Variants in IL17D observed in about 807,000 individuals in gnomAD.
IL17D encodes interleukin 17D.
IL17D carries 10 observed loss-of-function variants against 5.7 expected under a neutral mutation model. The observed-to-expected ratio is 1.75, with a 90% CI of 1.08 to 2.97. IL17D has a LOEUF of 2.97. Ranked by LOEUF, IL17D falls within the 30% of genes most tolerant of loss-of-function variation. The pLI is 0.00. For missense variants in IL17D, 354 were observed against 292.7 expected, an observed-to-expected ratio of 1.21 and a Z score of -1.53; for synonymous variants, 172 against 141.7, an observed-to-expected ratio of 1.21 and a Z score of -1.52.
chr13:20,706,430 C>T lies in IL17D; in HGVS notation c.290+2139C>T, dbSNP rs200730008. Among the ~76,000 whole-genome samples, 33 of 152,388 alleles carry T rather than the reference C, an allele frequency of 2.2e-4. No individual in the cohort carries two copies. In the East Asian group the frequency reaches 2.3e-3, roughly 11 times the overall value. On this transcript the variant is annotated intron_variant, in intron 1 of 1. Coordinates refer to ENST00000682841, the MANE Select transcript of IL17D (RefSeq NM_001385224.1). ...GCTTTCTATAGCAGATTCGAACTCT[C>T]AGGCAAACCCGTGGCTCCCCACAGG... is the stretch of plus-strand genomic sequence containing the variant.
intron 1 of IL17D, among the ~76,000 whole-genome samples, chr13:20,707,140 C>T (rs1485942334): frequency 6.6e-6 from 1 of 152,156 alleles, no homozygotes; most frequent in African/African-American, 2.4e-5. Flanking sequence ...TCACCTCTCA[C>T]CATCTTTTGG....
intron 1 of IL17D, among the ~76,000 whole-genome samples, chr13:20,705,412 A>G (rs911652503): frequency 2.0e-5 from 3 of 152,188 alleles, no homozygotes; most frequent in African/African-American, 7.2e-5. Context: ...CCGCCTTGTC[A>G]GCAGTGCAGA....
Position 20,703,942 on chromosome 13 carries a change from G to A in IL17D, c.-60G>A, listed in dbSNP as rs904107816. 1,771 of 936,920 alleles carry A rather than the reference G, an allele frequency of 1.9e-3. 28 individuals are homozygous for A. The African/African-American group carries it at 0.03, about 16-fold the overall frequency. 58.0% of individuals were successfully genotyped at this position (936,920 alleles called of 1,614,324 possible). Reference sequence around the variant, plus strand: ...GCCGCGGGCGGGACACGGGCGCGGGGCGCAGGCGGGCTCCTCCGGCGCGTG... The same window carrying A: ...GCCGCGGGCGGGACACGGGCGCGGGACGCAGGCGGGCTCCTCCGGCGCGTG... On this transcript the variant is annotated 5_prime_UTR_variant, in exon 1 of 2. Transcript: ENST00000682841.
Position 20,704,050 on chromosome 13 carries a change from G to A in IL17D, c.49G>A (p.Gly17Ser). The A allele has an allele frequency of 9.4e-7, 1 of 1,061,244 alleles. No individual in the cohort carries two copies. The highest frequency in any genetic ancestry group is 1.1e-6 in the Non-Finnish European group (1 of 883,556). The allele number at this position is 1,061,244 out of a possible 1,614,324, so 65.7% of individuals were successfully genotyped here. Reference protein sequence around the residue: ...LLALPPSWAAGAPRAGRRPAR... With the variant: ...LLALPPSWAASAPRAGRRPAR... ...GGCGCTGCCGCCGAGCTGGGCCGCG[G>A]GCGCCCCGAGGGCGGGCAGGCGCCC... The change falls in exon 1 of 2, where the codon GGC becomes AGC. Residue 17 changes from glycine (G) to serine (S), a missense_variant. Physicochemically the swap from Gly to Ser is moderately conservative, Grantham distance 56. Coordinates refer to ENST00000682841, the MANE Select transcript of IL17D (RefSeq NM_001385224.1).
chr13:20,718,874 T>TCA (rs139319909), intron 1 of IL17D, among the ~76,000 whole-genome samples: 51 of 73,910 alleles, frequency 6.9e-4, no homozygotes, highest in African/African-American at 2.1e-3. Flanking sequence ...ATGCCCACAC[T>TCA]CACACACACC....
chr13:20,703,235 G>A, upstream of IL17D: 1 of 982,102 alleles, frequency 1.0e-6, no homozygotes, highest in Non-Finnish European at 1.2e-6. Flanking sequence ...TGGCCCTTCG[G>A]GTTATTCCGC....
intron 1 of IL17D, among the ~76,000 whole-genome samples, chr13:20,720,873 A>ACC (rs1566522176): frequency 1.4e-4 from 5 of 36,138 alleles, no homozygotes; most frequent in African/African-American, 4.8e-4. Context: ...CCTCCCTCCC[A>ACC]ACCCCCCCCC....
intron 1 of IL17D, among the ~76,000 whole-genome samples, chr13:20,720,874 A>ACCCCCCCC: frequency 1.3e-5 from 1 of 75,746 alleles, no homozygotes; most frequent in Non-Finnish European, 2.5e-5. Flanking sequence ...CTCCCTCCCA[A>ACCCCCCCC]CCCCCCCCCC....
In IL17D at chr13:20,716,109, G is replaced by A. The variant is rs895121154; in HGVS notation, c.291-5527G>A. On this transcript the variant is annotated intron_variant, in intron 1 of 1. Coordinates refer to ENST00000682841, the MANE Select transcript of IL17D (RefSeq NM_001385224.1). This position sits in a 1 kb window ranked among gnomAD's most constrained non-coding sequence, Gnocchi z 4.2. The stretch of plus-strand genomic sequence containing the variant: ...CTGAAAACCACATTTTGGAAATCTT[G>A]TTTATGCCGCCTTCTTATCTCTTGC... 1.1e-5 allele frequency: 11 copies of A among 985,090 alleles called. No homozygotes were observed. The highest frequency in any genetic ancestry group is 1.2e-5 in the Non-Finnish European group (10 of 829,758). The allele number at this position is 985,090 out of a possible 1,614,324, so 61.0% of individuals were successfully genotyped here.
intron 1 of IL17D, among the ~76,000 whole-genome samples, chr13:20,721,398 G>A (rs1194830028): frequency 6.6e-6 from 1 of 152,240 alleles, no homozygotes; most frequent in African/African-American, 2.4e-5. Context: ...GCGCACATTA[G>A]CCCAGACTCT....
chr13:20,709,452 G>T (rs2058617159), intron 1 of IL17D, among the ~76,000 whole-genome samples: 1 of 152,160 alleles, frequency 6.6e-6, no homozygotes, highest in Admixed American at 6.5e-5. Context: ...GGAAGAATGA[G>T]GCAGCTCTAA....
In IL17D at chr13:20,716,716, C is replaced by G. The variant is rs376222084; in HGVS notation, c.291-4920C>G. ...CTTCGGATCTGGCGAGCCACGCTAC[C>G]GAGGCAGGCTGTCTCCACGGACACA... On this transcript the variant is annotated intron_variant, in intron 1 of 1. Coordinates refer to ENST00000682841, the MANE Select transcript of IL17D (RefSeq NM_001385224.1). This position sits in a 1 kb window ranked among gnomAD's most constrained non-coding sequence, Gnocchi z 4.2. Among the ~76,000 whole-genome samples the G allele has an allele frequency of 2.0e-5, 3 of 152,204 alleles. No individual in the cohort carries two copies. In the East Asian group the frequency reaches 5.8e-4, roughly 29 times the overall value.
chr13:20,713,867 TAA>T (rs1376747102), intron 1 of IL17D: 2 of 152,312 alleles, frequency 1.3e-5, no homozygotes, highest in African/African-American at 4.8e-5. Flanking sequence ...CTTCCGGAAT[TAA>T]AGAGTCCAGG....
At chr13:20,715,998 G>C (rs1481414181) in intron 1 of IL17D, 2 of 558,858 alleles carry the variant, frequency 3.6e-6, no homozygotes, top group African/African-American at 4.1e-5. Context: ...GCCTCCCAAA[G>C]TGCTGCGATT....
intron 1 of IL17D, among the ~76,000 whole-genome samples, chr13:20,719,880 T>C (rs2058717476): frequency 6.6e-6 from 1 of 152,210 alleles, no homozygotes; most frequent in African/African-American, 2.4e-5. Context: ...TGGCTTCATG[T>C]CACTGCGCCA....
chr13:20,701,736 T>C (rs2058549303), upstream of IL17D: 2 of 152,222 alleles, frequency 1.3e-5, no homozygotes, highest in African/African-American at 4.8e-5. Context: ...CACAAATATG[T>C]TGAAATTTGA....
At chr13:20,701,610 T>C (rs2141377135), upstream of IL17D, 1 of 152,318 alleles carries the variant, frequency 6.6e-6, no homozygotes, top group Non-Finnish European at 1.5e-5. Context: ...CGTGGCCACA[T>C]TACAGATATG....
intron 1 of IL17D, 67 bp from the exon 2 acceptor site, chr13:20,721,569 C>T (rs934862278): frequency 7.1e-7 from 1 of 1,402,984 alleles, no homozygotes; most frequent in Non-Finnish European, 9.7e-7. Flanking sequence ...TGACTCTAAC[C>T]AGGGATTTCA....
chr13:20,719,932 G>A (rs1419124485), intron 1 of IL17D, among the ~76,000 whole-genome samples: 1 of 152,234 alleles, frequency 6.6e-6, no homozygotes, highest in Non-Finnish European at 1.5e-5. Context: ...CCCGGCTTGT[G>A]TTCCTCTACT....
Sources: allele counts gnomAD v4.1 joint callset (sites outside exome capture counted in the v4.1 genomes callset), GRCh38; gene constraint gnomAD v4.1.1; non-coding constraint Gnocchi (gnomAD v3.1); transcripts MANE v1.5; gene names NCBI Gene and HGNC (gene_info 2026-07-23, HGNC 2026-07-21).